TMEM232: variants seen among roughly 807,000 people sequenced by gnomAD.
The protein encoded by TMEM232 is transmembrane protein 232.
Under a neutral mutation model 78.8 loss-of-function variants are expected in TMEM232, and 80 were observed. The observed-to-expected ratio is 1.01, with a 90% CI of 0.85 to 1.22. TMEM232 has a LOEUF of 1.22. Among genes scored for constraint, TMEM232 ranks in the 50% most tolerant of loss-of-function variants. The pLI is 0.00. For synonymous variants in TMEM232, 297 were observed against 254.3 expected (o/e 1.17, Z -1.60); for missense variants, 881 against 742.2 (o/e 1.19, Z -2.17).
At chr5:110,639,102 G>T (rs891424312) in intron 4 of TMEM232, among the ~76,000 whole-genome samples, 3 of 152,162 alleles carry the variant, frequency 2.0e-5, no homozygotes, top group Non-Finnish European at 4.4e-5. Flanking sequence ...CAAGGGACAG[G>T]AAGGAGGTCA....
At chr5:110,671,645 G>A (rs1198975215) in intron 1 of TMEM232, among the ~76,000 whole-genome samples, 1 of 152,076 alleles carries the variant, frequency 6.6e-6, no homozygotes, top group Non-Finnish European at 1.5e-5. Context: ...ACTAACACAG[G>A]AACAGAACCA....
chr5:110,652,294 G>GCGCGCGCGCACACACACACACACA (rs1554069154), intron 2 of TMEM232, among the ~76,000 whole-genome samples: 6 of 145,450 alleles, frequency 4.1e-5, no homozygotes, highest in African/African-American at 1.5e-4. Context: ...GCACGCGCGC[G>GCGCGCGCGCACACACACACACACA]CACACACACA....
upstream of TMEM232, among the ~76,000 whole-genome samples, chr5:110,729,524 T>A (rs1401173436): frequency 6.6e-6 from 1 of 152,224 alleles, no homozygotes; most frequent in Non-Finnish European, 1.5e-5. Context: ...GGAAGTGGTG[T>A]TTCATCATCC....
Position 110,618,374 on chromosome 5 carries a change from T to C in TMEM232, c.902+55A>G, listed in dbSNP as rs553717369. The C allele has an allele frequency of 8.4e-6, 13 of 1,538,800 alleles. No individual in the cohort carries two copies. The East Asian group carries it at 3.2e-4, about 38-fold the overall frequency. ...ATTTAGGTACAAGGGTTATTTAACA[T>C]TTAAGCACAAAGATTTCTCCATGAG... On this transcript the variant is annotated intron_variant, in intron 8 of 13. Coordinates refer to ENST00000455884, the MANE Select transcript of TMEM232 (RefSeq NM_001039763.4).
chr5:110,441,809 A>C (rs1022057733), intron 12 of TMEM232, among the ~76,000 whole-genome samples: 3 of 152,194 alleles, frequency 2.0e-5, no homozygotes, highest in African/African-American at 4.8e-5. Flanking sequence ...AACTAACTAA[A>C]TAACCACCCC....
At chr5:110,577,787 G>A (rs900966652) in intron 10 of TMEM232, among the ~76,000 whole-genome samples, 1 of 151,940 alleles carries the variant, frequency 6.6e-6, no homozygotes, top group East Asian at 1.9e-4. Flanking sequence ...ACCAAATACT[G>A]CCTGTTCTTA....
intron 10 of TMEM232, among the ~76,000 whole-genome samples, chr5:110,589,016 A>C (rs576372310): frequency 5.5e-4 from 84 of 152,244 alleles, no homozygotes; most frequent in Non-Finnish European, 1.0e-3. Flanking sequence ...CTTTTAAAAA[A>C]ATCTATCATT....
chr5:110,431,705 A>C (rs558064645), intron 12 of TMEM232, among the ~76,000 whole-genome samples: 1 of 151,892 alleles, frequency 6.6e-6, no homozygotes, highest in South Asian at 2.1e-4. Flanking sequence ...TTCACATATT[A>C]CTTATAGAAT....
intron 1 of TMEM232, among the ~76,000 whole-genome samples, chr5:110,682,385 T>TA (rs911009239): frequency 1.9e-3 from 278 of 148,746 alleles, no homozygotes; most frequent in African/African-American, 5.8e-3. Context: ...AATGAAAGGT[T>TA]AAAAAAAAAA....
intron 2 of TMEM232, among the ~76,000 whole-genome samples, chr5:110,401,259 G>A (rs1392942457): frequency 6.6e-6 from 1 of 150,902 alleles, no homozygotes; most frequent in Non-Finnish European, 1.5e-5. Flanking sequence ...TAGCATAAAG[G>A]CAACTTGACA....
At chr5:110,718,158 C>G (rs866025157) in intron 1 of TMEM232, among the ~76,000 whole-genome samples, 1 of 151,872 alleles carries the variant, frequency 6.6e-6, no homozygotes, top group Non-Finnish European at 1.5e-5. Flanking sequence ...TATTTGTTTG[C>G]AAATATGTTT....
intron 2 of TMEM232, among the ~76,000 whole-genome samples, chr5:110,664,350 T>A (rs1580568680): frequency 6.6e-6 from 1 of 152,180 alleles, no homozygotes; most frequent in South Asian, 2.1e-4. Flanking sequence ...ATTGATTTTT[T>A]AAAAAGCAAG....
intron 12 of TMEM232, among the ~76,000 whole-genome samples, chr5:110,524,606 AG>A (rs1345734390): frequency 6.6e-6 from 1 of 152,090 alleles, no homozygotes; most frequent in Non-Finnish European, 1.5e-5. Context: ...ACGTGAGATG[AG>A]TGTGTATGCT....
chr5:110,594,807 C>G (rs917286209), intron 10 of TMEM232, among the ~76,000 whole-genome samples: 2 of 152,210 alleles, frequency 1.3e-5, no homozygotes, highest in African/African-American at 4.8e-5. Flanking sequence ...AGATAAAACT[C>G]CCATCTCCCT....
At position 110,641,013 on chromosome 5, in the gene TMEM232, T is replaced by C; in HGVS notation, c.238-17A>G. ...CAATTTTCTCTGTTATGAGGAAGCA[T>C]GAAAAAGACAAATCAAAATGTACAT... is the stretch of plus-strand genomic sequence containing the variant. On this transcript the variant is annotated splice_polypyrimidine_tract_variant and intron_variant, in intron 3 of 13. Transcript: ENST00000455884. The C allele has an allele frequency of 6.9e-7, 1 of 1,450,286 alleles. No homozygotes were observed. Among genetic ancestry groups the C allele is most frequent in the Non-Finnish European group, 9.2e-7 (1 of 1,087,052 alleles). The allele number at this position is 1,450,286 out of a possible 1,614,324, so 89.8% of individuals were successfully genotyped here. A position where few individuals can be genotyped will look rare whatever the true frequency, so the allele number is the denominator to read the frequency against.
chr5:110,415,932 A>G (rs139075671), downstream of TMEM232, among the ~76,000 whole-genome samples: 2,855 of 152,202 alleles, frequency 0.019, 29 homozygotes, highest in South Asian at 0.029. Context: ...TATCACAGGG[A>G]TCTTCCAACT....
At chr5:110,492,379 T>A (rs1765202779) in intron 12 of TMEM232, among the ~76,000 whole-genome samples, 1 of 151,916 alleles carries the variant, frequency 6.6e-6, no homozygotes, top group Non-Finnish European at 1.5e-5. Context: ...AATTTGGAGT[T>A]TTACCAGGAG....
chr5:110,444,077 C>A (rs929165069), intron 12 of TMEM232, among the ~76,000 whole-genome samples: 2 of 152,076 alleles, frequency 1.3e-5, no homozygotes, highest in Admixed American at 1.3e-4. Flanking sequence ...GCACTCCCTT[C>A]GCTGCCCTGG....
At chr5:110,631,073 C>A (rs1228225030) in intron 5 of TMEM232, among the ~76,000 whole-genome samples, 1 of 152,130 alleles carries the variant, frequency 6.6e-6, no homozygotes, top group East Asian at 1.9e-4. Context: ...GCCTGCATAT[C>A]TCCATATCCC....
Sources: allele counts gnomAD v4.1 joint callset (sites outside exome capture counted in the v4.1 genomes callset), GRCh38; gene constraint gnomAD v4.1.1; transcripts MANE v1.5; gene names NCBI Gene and HGNC (gene_info 2026-07-23, HGNC 2026-07-21).